Variants in THSD4 observed in about 807,000 individuals in gnomAD.
THSD4 encodes thrombospondin type 1 domain containing 4.
In THSD4, 69 loss-of-function variants were observed where a neutral mutation model predicts 119.0. The observed-to-expected ratio is 0.58, with a 90% confidence interval of 0.48 to 0.71. THSD4 has a LOEUF of 0.71. THSD4 is among the 30% of genes least tolerant of loss of function. The pLI, the probability that THSD4 is intolerant of heterozygous loss-of-function variation, is 0.00. For synonymous variants in THSD4, 524 were observed against 540.4 expected (o/e 0.97, Z 0.42); for missense variants, 1,393 against 1,391.1 (o/e 1.00, Z -0.02).
intron 6 of THSD4, among the ~76,000 whole-genome samples, chr15:71,362,906 C>G (rs2140422408): frequency 6.6e-6 from 1 of 151,692 alleles, no homozygotes; most frequent in Non-Finnish European, 1.5e-5. Context: ...CTTGGCTTCC[C>G]TGGGCCACAT....
chr15:71,447,118 GTTTTTTTTT>G (rs1555414736), intron 7 of THSD4, among the ~76,000 whole-genome samples: 1 of 76,070 alleles, frequency 1.3e-5, no homozygotes, highest in Non-Finnish European at 2.6e-5. Context: ...CATTTTTTTT[GTTTTTTTTT>G]TTTTTTTTTT....
chr15:71,303,947 G>T (rs542766226), intron 6 of THSD4, among the ~76,000 whole-genome samples: 1 of 152,314 alleles, frequency 6.6e-6, no homozygotes, highest in South Asian at 2.1e-4. Flanking sequence ...CTCTTTGGTT[G>T]CTTTTCTCTG....
Position 71,452,670 on chromosome 15 carries a change from C to CAGT in THSD4, c.1152+40850_1152+40852dup, listed in dbSNP as rs2047282469. 5.3e-5 allele frequency among the ~76,000 whole-genome samples: 8 copies of CAGT among 152,218 alleles called. No homozygotes were observed. In the South Asian group the frequency reaches 1.7e-3, roughly 32 times the overall value. On this transcript the variant is annotated intron_variant, in intron 7 of 17. Coordinates refer to ENST00000261862, the MANE Select transcript of THSD4 (RefSeq NM_024817.3). ...TGCTCTTGTCGCTCAGGCTGGAGTG[C>CAGT]AGTAGCGCGATCTCTGCTCACTACA...
chr15:71,215,036 T>A lies in THSD4; in HGVS notation c.101T>A (p.Val34Asp). The A allele has an allele frequency of 3.1e-6, 4 of 1,281,092 alleles. No individual in the cohort carries two copies. The highest frequency in any genetic ancestry group is 3.1e-5 in the African/African-American group (2 of 64,192). 79.4% of individuals were successfully genotyped at this position (1,281,092 alleles called of 1,614,324 possible). A position where few individuals can be genotyped will look rare whatever the true frequency, so the allele number is the denominator to read the frequency against. The change falls in exon 4 of 18, where the codon GTC (valine) becomes GAC (aspartate). Residue 34 changes from valine (V) to aspartate (D), a missense_variant and splice_region_variant. Physicochemically the swap from Val to Asp is radical, Grantham distance 152 (BLOSUM62 -3). Coordinates refer to ENST00000261862, the MANE Select transcript of THSD4 (RefSeq NM_024817.3). ...CPQPSTQHRKVPQRMAAEGAP... is the reference protein window; with the variant it reads ...CPQPSTQHRKDPQRMAAEGAP... The stretch of plus-strand genomic sequence containing the variant: ...CCTAACCTGCCTCTGTCTCCGCAGG[T>A]CCCGCAGCGGATGGCGGCGGAGGGC...
chr15:71,344,835 C>A (rs774812027), intron 6 of THSD4, among the ~76,000 whole-genome samples: 1 of 151,952 alleles, frequency 6.6e-6, no homozygotes, highest in African/African-American at 2.4e-5. Flanking sequence ...TCTTTGGGGC[C>A]GTGGGAAGGA....
At position 71,340,366 on chromosome 15, in the gene THSD4, C is replaced by G. The variant is rs375694571; in HGVS notation, c.1016-71321C>G. On this transcript the variant is annotated intron_variant, in intron 6 of 17. Transcript: ENST00000261862. ...CCAGAATATGGTAGAAGTCCTGGAA[C>G]TCTGAATGGGAGCTTAGACCCGGTG... 2.0e-5 allele frequency among the ~76,000 whole-genome samples: 3 copies of G among 152,174 alleles called. No homozygotes were observed. The South Asian group carries it at 6.2e-4, about 31-fold the overall frequency.
intron 6 of THSD4, among the ~76,000 whole-genome samples, chr15:71,314,202 T>C (rs1217893996): frequency 6.6e-6 from 1 of 151,394 alleles, no homozygotes; most frequent in Non-Finnish European, 1.5e-5. Flanking sequence ...TATATCTTGA[T>C]TTTTTTTTCT....
chr15:71,503,922 C>T (rs2048151625), intron 7 of THSD4, among the ~76,000 whole-genome samples: 1 of 152,192 alleles, frequency 6.6e-6, no homozygotes, highest in Non-Finnish European at 1.5e-5. Context: ...TTTGTCTGTG[C>T]TGTAATTTCC....
chr15:71,593,114 T>G (rs1595765027), intron 7 of THSD4, among the ~76,000 whole-genome samples: 2 of 152,158 alleles, frequency 1.3e-5, no homozygotes, highest in African/African-American at 4.8e-5. Flanking sequence ...GCCTTATCTC[T>G]TTGTCCATTG....
At chr15:71,702,673 C>T (rs969489338) in intron 8 of THSD4, among the ~76,000 whole-genome samples, 11 of 152,184 alleles carry the variant, frequency 7.2e-5, no homozygotes, top group African/African-American at 2.7e-4. Context: ...TGTCTTCATA[C>T]CAAGTTCTTC....
chr15:71,518,729 A>G (rs2048396120), intron 7 of THSD4, among the ~76,000 whole-genome samples: 2 of 152,172 alleles, frequency 1.3e-5, no homozygotes, highest in African/African-American at 2.4e-5. Context: ...AATTTCTCAA[A>G]GGCAACACAG....
In THSD4 at chr15:71,215,481, C is replaced by A; in HGVS notation, c.464+82C>A. On this transcript the variant is annotated intron_variant, in intron 4 of 17. Transcript: ENST00000261862. ...GTCCCTGCCCCTGCCTCGCACGCTG[C>A]TCTGCACCACAGACAGTGCGACTAA... The A allele has an allele frequency of 2.2e-6, 3 of 1,339,726 alleles. No individual in the cohort carries two copies. The South Asian group carries it at 4.6e-5, about 21-fold the overall frequency. 83.0% of individuals were successfully genotyped at this position (1,339,726 alleles called of 1,614,324 possible).
chr15:71,731,010 A>G, intron 9 of THSD4, 111 bp from the exon 10 acceptor site: 5 of 912,466 alleles, frequency 5.5e-6, no homozygotes, highest in Non-Finnish European at 8.9e-6. Flanking sequence ...CTGGATGCGT[A>G]CTAGAGTGAA....
chr15:71,389,312 A>G (rs2046338832), intron 6 of THSD4, among the ~76,000 whole-genome samples: 1 of 152,174 alleles, frequency 6.6e-6, no homozygotes, highest in Non-Finnish European at 1.5e-5. Flanking sequence ...GCCCCTGGCA[A>G]CTATTATTCT....
rs2046770143 is a variant in THSD4, at chr15:71,417,190, T to C, written c.1152+5367T>C. Among the ~76,000 whole-genome samples the C allele has an allele frequency of 1.8e-5, 2 of 108,956 alleles. 1 individual carries two copies. Among genetic ancestry groups the C allele is most frequent in the African/African-American group, 6.2e-5 (2 of 32,040 alleles). The allele number at this position is 108,956 out of a possible 152,430, so 71.5% of individuals were successfully genotyped here. On this transcript the variant is annotated intron_variant, in intron 7 of 17. Coordinates refer to ENST00000261862, the MANE Select transcript of THSD4 (RefSeq NM_024817.3). ...TTTCTCCCATTCTGTGGGTTGTCTC[T>C]TCACTTTGTTGATTATTTTCTTTGC...
chr15:71,318,309 G>A (rs1748270920), intron 6 of THSD4, among the ~76,000 whole-genome samples: 2 of 152,130 alleles, frequency 1.3e-5, no homozygotes, highest in African/African-American at 4.8e-5. Context: ...GAAGGCCGAG[G>A]ATGTCAGGGG....
chr15:71,481,746 A>G (rs941671370), intron 7 of THSD4, among the ~76,000 whole-genome samples: 5 of 152,180 alleles, frequency 3.3e-5, no homozygotes, highest in Admixed American at 2.6e-4. Flanking sequence ...CAACCATTTC[A>G]TTATTTCTAT....
At chr15:71,519,364 C>G (rs1007226048) in intron 7 of THSD4, among the ~76,000 whole-genome samples, 2 of 152,022 alleles carry the variant, frequency 1.3e-5, no homozygotes, top group African/African-American at 4.8e-5. Flanking sequence ...TTGTTTTTTT[C>G]TTTTTCTTTT....
rs1202646178 is a variant in THSD4, at chr15:71,782,688, A to G, written c.*5314A>G. On this transcript the variant is annotated 3_prime_UTR_variant, in exon 18 of 18. Coordinates refer to ENST00000261862, the MANE Select transcript of THSD4 (RefSeq NM_024817.3). ...CATAGTTACAATTGTTTAGTATGCT[A>G]ATCAGTCCAGTTCCCTGAGGTTTAA... is the stretch of plus-strand genomic sequence containing the variant. 2 of 152,196 alleles carry G rather than the reference A, an allele frequency of 1.3e-5. No individual in the cohort carries two copies. Among genetic ancestry groups the G allele is most frequent in the Non-Finnish European group, 2.9e-5 (2 of 68,044 alleles). 9.4% of individuals were successfully genotyped at this position (152,196 alleles called of 1,614,324 possible).
Sources: gnomAD v4.1 joint callset for allele counts (sites outside exome capture counted in the v4.1 genomes callset) on GRCh38, gnomAD v4.1.1 for gene constraint, MANE v1.5 for transcripts, NCBI Gene and HGNC (gene_info 2026-07-23, HGNC 2026-07-21) for gene names.